The following MGAT3 variants were observed in gnomAD, a reference collection of about 807,000 sequenced individuals.
The protein encoded by MGAT3 is beta-1,4-mannosyl-glycoprotein 4-beta-N-acetylglucosaminyltransferase, also known as GlcNAc-T III.
Under a neutral mutation model 29.8 loss-of-function variants are expected in MGAT3, and 9 were observed. The observed-to-expected ratio is 0.30, with a 90% CI of 0.18 to 0.53. The LOEUF (loss-of-function observed/expected upper bound fraction) is 0.53, where lower values mean the gene tolerates loss of function less well. MGAT3 is among the 20% of genes least tolerant of loss of function. The pLI is 0.96. For synonymous variants in MGAT3, 397 were observed against 348.9 expected (o/e 1.14, Z -1.54); for missense variants, 557 against 769.5 (o/e 0.72, Z 3.27).
chr22:39,461,869 A>G (rs1293653802), intron 1 of MGAT3, among the ~76,000 whole-genome samples: 1 of 151,792 alleles, frequency 6.6e-6, no homozygotes, highest in African/African-American at 2.4e-5. Flanking sequence ...AGATGGGGAA[A>G]TTGAGGTGCA....
Position 39,489,183 on chromosome 22 carries a change from C to T in MGAT3, c.*234C>T, listed in dbSNP as rs1230578767. On this transcript the variant is annotated 3_prime_UTR_variant, in exon 2 of 2. Coordinates refer to ENST00000341184, the MANE Select transcript of MGAT3 (RefSeq NM_002409.5). ...CGCAGGCCGTGACGTCTGGGTGGCC[C>T]TTATGACTGCCAAGACTGCTGTGGC... is the stretch of plus-strand genomic sequence containing the variant. 7 of 640,036 alleles carry T rather than the reference C, an allele frequency of 1.1e-5. No homozygotes were observed. The highest frequency in any genetic ancestry group is 1.6e-5 in the Non-Finnish European group (6 of 366,030). The allele number at this position is 640,036 out of a possible 1,614,324, so 39.6% of individuals were successfully genotyped here.
At position 39,487,791 on chromosome 22, in the gene MGAT3, AC is replaced by A; in HGVS notation, c.448del (p.Arg150GlyfsTer4). 1 of 1,486,410 alleles carries A rather than the reference AC, an allele frequency of 6.7e-7. No individual in the cohort carries two copies. The highest frequency in any genetic ancestry group is 8.9e-7 in the Non-Finnish European group (1 of 1,121,388). The allele number at this position is 1,486,410 out of a possible 1,614,324, so 92.1% of individuals were successfully genotyped here. On this transcript the variant is annotated frameshift_variant, in exon 2 of 2. Transcript: ENST00000341184. LOFTEE classifies it high-confidence loss of function. This position sits in a 1 kb window ranked among gnomAD's most constrained non-coding sequence, Gnocchi z 5.7. ...GANGSSARRPPRYLLSARERT... is the reference protein window; with the variant it reads ...GANGSSARRPXRYLLSARERT... Reference sequence around the variant, plus strand: ...CCAACGGCTCCTCGGCCCGGCGGCCACCCCGGTACCTCCTGAGCGCCCGGGA... The same window carrying A: ...CCAACGGCTCCTCGGCCCGGCGGCCACCCGGTACCTCCTGAGCGCCCGGGA...
Position 39,488,935 on chromosome 22 carries a change from G to T in MGAT3, c.1588G>T (p.Glu530Ter). 2 of 1,605,616 alleles carry T rather than the reference G, an allele frequency of 1.2e-6. No individual in the cohort carries two copies. Among genetic ancestry groups the T allele is most frequent in the Non-Finnish European group, 1.7e-6 (2 of 1,176,636 alleles). ...GRPPARGKLD[E>*]AEV ...GCCGCCCGCCCGGGGCAAACTGGACGAGGCGGAAGTCTAGAGCTGCATGAT... is the reference window on the plus strand; with the variant it reads ...GCCGCCCGCCCGGGGCAAACTGGACTAGGCGGAAGTCTAGAGCTGCATGAT... Residue 530 changes from glutamate (E) to a stop codon, truncating the protein, a stop_gained, in exon 2 of 2, where the codon GAG becomes TAG. Transcript: ENST00000341184. LOFTEE classifies it high-confidence loss of function.
chr22:39,488,212 G>T lies in MGAT3; in HGVS notation c.865G>T (p.Asp289Tyr). Residue 289 changes from aspartate (D) to tyrosine (Y), a missense_variant, in exon 2 of 2, where the codon GAC becomes TAC. Physicochemically the swap from Asp to Tyr is radical, Grantham distance 160 (BLOSUM62 -3). Transcript: ENST00000341184. Reference protein sequence around the residue: ...PGGRQDGWIADDYLRTFLTQD... With the variant: ...PGGRQDGWIAYDYLRTFLTQD... ...CGGCCGGCAGGACGGCTGGATCGCCGACGACTACCTGCGCACCTTCCTCAC... is the reference window on the plus strand; with the variant it reads ...CGGCCGGCAGGACGGCTGGATCGCCTACGACTACCTGCGCACCTTCCTCAC... 6.2e-7 allele frequency: 1 copy of T among 1,612,646 alleles called. No homozygotes were observed. Among genetic ancestry groups the T allele is most frequent in the South Asian group, 1.1e-5 (1 of 91,070 alleles).
chr22:39,474,684 C>T (rs1928902138), intron 1 of MGAT3, among the ~76,000 whole-genome samples: 1 of 152,208 alleles, frequency 6.6e-6, no homozygotes, highest in Non-Finnish European at 1.5e-5. Flanking sequence ...GATAAAGAGC[C>T]CTGTGCCTGA....
Position 39,489,391 on chromosome 22 carries a change from G to A in MGAT3, c.*442G>A. On this transcript the variant is annotated 3_prime_UTR_variant, in exon 2 of 2. Coordinates refer to ENST00000341184, the MANE Select transcript of MGAT3 (RefSeq NM_002409.5). The stretch of plus-strand genomic sequence containing the variant: ...CGTGTGGGAGACCGGCCTGCCAGGA[G>A]GACCCAGGGCTCTGTAAGTAGATGC... 4.6e-6 allele frequency: 1 copy of A among 215,468 alleles called. No individual in the cohort carries two copies. The highest frequency in any genetic ancestry group is 1.0e-5 in the Non-Finnish European group (1 of 97,828). The allele number at this position is 215,468 out of a possible 1,614,324, so 13.3% of individuals were successfully genotyped here.
chr22:39,471,924 G>T (rs538794623), intron 1 of MGAT3, among the ~76,000 whole-genome samples: 3 of 152,246 alleles, frequency 2.0e-5, no homozygotes, highest in Non-Finnish European at 4.4e-5. Flanking sequence ...GCTGGGCTGA[G>T]GGCAGCCCCC....
rs1362921962 is a variant in MGAT3 at position 39,457,369 on chromosome 22, A to C, written c.-190A>C. On this transcript the variant is annotated 5_prime_UTR_variant, in exon 1 of 2. Coordinates refer to ENST00000341184, the MANE Select transcript of MGAT3 (RefSeq NM_002409.5). This position sits in a 1 kb window ranked among gnomAD's most constrained non-coding sequence, Gnocchi z 6.8. ...ACGGGGTGGAAGTGGGGGTGGGGGGAGGGGATCGGGGCCGGGCCGGGGCCG... is the reference window on the plus strand; with the variant it reads ...ACGGGGTGGAAGTGGGGGTGGGGGGCGGGGATCGGGGCCGGGCCGGGGCCG... The C allele has an allele frequency of 8.4e-5, 1 of 11,962 alleles. No homozygotes were observed. Among genetic ancestry groups the C allele is most frequent in the Non-Finnish European group, 1.9e-4 (1 of 5,284 alleles). 0.7% of individuals were successfully genotyped at this position (11,962 alleles called of 1,614,324 possible).
At chr22:39,459,562 C>T (rs1928440822) in intron 1 of MGAT3, among the ~76,000 whole-genome samples, 1 of 152,168 alleles carries the variant, frequency 6.6e-6, no homozygotes, top group Non-Finnish European at 1.5e-5. Flanking sequence ...CTCCTGGGCT[C>T]AAGGGATCCT....
intron 1 of MGAT3, among the ~76,000 whole-genome samples, chr22:39,466,488 C>G (rs867680577): frequency 6.6e-6 from 1 of 152,188 alleles, no homozygotes; most frequent in Non-Finnish European, 1.5e-5. Context: ...TTTCTTCCCC[C>G]GCGTCCCCCA....
Position 39,480,384 on chromosome 22 carries a change from C to G in MGAT3, c.-1-6963C>G, listed in dbSNP as rs17001154. Reference sequence around the variant, plus strand: ...AGCCCTCGCTCAGTTAACCTTATTCCCCAGGTAGGTCCTAACCACAGTGAC... The same window carrying G: ...AGCCCTCGCTCAGTTAACCTTATTCGCCAGGTAGGTCCTAACCACAGTGAC... On this transcript the variant is annotated intron_variant, in intron 1 of 1. Coordinates refer to ENST00000341184, the MANE Select transcript of MGAT3 (RefSeq NM_002409.5). Among the ~76,000 whole-genome samples, 557 of 152,286 alleles carry G rather than the reference C, an allele frequency of 3.7e-3. 7 individuals are homozygous for G. Among genetic ancestry groups the G allele is most frequent in the African/African-American group, 0.013 (537 of 41,550 alleles).
intron 1 of MGAT3, among the ~76,000 whole-genome samples, chr22:39,483,503 A>T (rs12628982): frequency 2.2e-4 from 12 of 55,262 alleles, no homozygotes; most frequent in South Asian, 5.1e-4. Context: ...TTAAAAAATT[A>T]AAAAAAAAAA....
At position 39,486,516 on chromosome 22, in the gene MGAT3, T is replaced by C. The variant is rs577156928; in HGVS notation, c.-1-831T>C. Among the ~76,000 whole-genome samples the C allele has an allele frequency of 4.6e-5, 7 of 152,254 alleles. No homozygotes were observed. The East Asian group carries it at 1.4e-3, about 29-fold the overall frequency. ...AGGGGAACTTTTATTTTATTTTGTT[T>C]TTGAGATAGGGTCTCAGTCTGTTGT... On this transcript the variant is annotated intron_variant, in intron 1 of 1. Coordinates refer to ENST00000341184, the MANE Select transcript of MGAT3 (RefSeq NM_002409.5).
chr22:39,487,685 C>T lies in MGAT3; in HGVS notation c.338C>T (p.Ala113Val). The change falls in exon 2 of 2, where the codon GCC becomes GTC. Residue 113 changes from alanine (A) to valine (V), a missense_variant. Physicochemically the swap from Ala to Val is moderately conservative, Grantham distance 64 (BLOSUM62 0). This residue lies in a region of MGAT3 where 212 missense variants were observed against 228.5 expected (regional missense o/e 0.93). Transcript: ENST00000341184. The surrounding 1 kb of genome is among the most constrained non-coding windows in gnomAD (Gnocchi z 5.7). ...DTTEYFVRTK[A>V]GGVCFKPGTK... The stretch of plus-strand genomic sequence containing the variant: ...ACCGAGTATTTCGTGCGCACCAAGG[C>T]CGGCGGCGTCTGCTTCAAACCCGGC... The T allele has an allele frequency of 2.5e-6, 4 of 1,596,278 alleles. No individual in the cohort carries two copies. Among genetic ancestry groups the T allele is most frequent in the Non-Finnish European group, 3.4e-6 (4 of 1,171,166 alleles).
At chr22:39,467,656 T>G (rs920200620) in intron 1 of MGAT3, among the ~76,000 whole-genome samples, 38 of 149,584 alleles carry the variant, frequency 2.5e-4, no homozygotes, top group African/African-American at 8.9e-4. Context: ...TTTTCTTTTC[T>G]TTTCGTTTCG....
intron 1 of MGAT3, among the ~76,000 whole-genome samples, chr22:39,477,248 C>T (rs1928992151): frequency 6.6e-6 from 1 of 152,214 alleles, no homozygotes; most frequent in South Asian, 2.1e-4. Context: ...AAGCCTTGGA[C>T]CAAATTCTTA....
intron 1 of MGAT3, chr22:39,486,294 G>T: frequency 3.1e-6 from 1 of 327,686 alleles, no homozygotes; most frequent in Non-Finnish European, 5.9e-6. Flanking sequence ...ATAGGCATGC[G>T]CCACTACACT....
At chr22:39,466,580 C>T (rs964753520) in intron 1 of MGAT3, among the ~76,000 whole-genome samples, 2 of 152,352 alleles carry the variant, frequency 1.3e-5, no homozygotes, top group South Asian at 4.1e-4. Context: ...ATACTGGTCC[C>T]CTGCCCTCCT....
rs1276789863 is a variant in MGAT3, at chr22:39,488,824, C to T, written c.1477C>T (p.Arg493Trp). The T allele has an allele frequency of 1.2e-6, 2 of 1,609,782 alleles. No individual in the cohort carries two copies. ...CAAGTACCTGCTGAAGAACTACGAC[C>T]GGTTCCACTACCTGCTGGACAACCC... The part of the protein sequence containing the change: ...APKYLLKNYD[R>W]FHYLLDNPYQ... Residue 493 changes from arginine (R) to tryptophan (W), a missense_variant, in exon 2 of 2, where the codon CGG becomes TGG. By Grantham distance (101) the Arg-to-Trp change is moderately radical. Around this residue, in one of 3 missense-constraint regions of MGAT3, gnomAD observed 102 missense variants for 97.0 expected, o/e 1.05. Coordinates refer to ENST00000341184, the MANE Select transcript of MGAT3 (RefSeq NM_002409.5).
Sources: allele counts gnomAD v4.1 joint callset (sites outside exome capture counted in the v4.1 genomes callset), GRCh38; gene constraint gnomAD v4.1.1; regional missense constraint gnomAD v4.1.1; non-coding constraint Gnocchi (gnomAD v3.1); transcripts MANE v1.5; gene names NCBI Gene and HGNC (gene_info 2026-07-23, HGNC 2026-07-21).